Variants in BMPR1B observed in about 807,000 individuals in gnomAD.
BMPR1B encodes the protein bone morphogenetic protein receptor type-1B.
A neutral mutation model predicts 59.1 loss-of-function variants in BMPR1B; 12 were observed. The ratio of observed to expected loss-of-function variants is 0.20; its 90% CI spans 0.13 to 0.33. The LOEUF (loss-of-function observed/expected upper bound fraction) is 0.33, where lower values mean the gene tolerates loss of function less well. BMPR1B is among the 10% of genes least tolerant of loss of function. The probability of loss-of-function intolerance (pLI) is 1.00; values close to 1 mark genes in which losing one functional copy is unlikely to be tolerated. For missense variants in BMPR1B, 550 were observed against 610.9 expected (o/e 0.90, Z 1.05); for synonymous variants, 237 against 207.3 (o/e 1.14, Z -1.23).
chr4:95,118,393 A>G (rs1454258585), intron 6 of BMPR1B, among the ~76,000 whole-genome samples: 1 of 151,972 alleles, frequency 6.6e-6, no homozygotes, highest in African/African-American at 2.4e-5. Flanking sequence ...CTTTCTAGCT[A>G]TATGATTTTT....
chr4:95,125,100 T>G lies in BMPR1B; in HGVS notation c.564T>G (p.Ser188Arg). ...TTGAGCAGTCTCAGAGCTCAGGAAGTGGATCAGGCCTCCCTCTGCTGGTAT... is the reference window on the plus strand; with the variant it reads ...TTGAGCAGTCTCAGAGCTCAGGAAGGGGATCAGGCCTCCCTCTGCTGGTAT... ...DLIEQSQSSG[S>R]GSGLPLLVQR... Residue 188 changes from serine to arginine, a missense_variant, in exon 8 of 13, where the codon AGT (serine) becomes AGG (arginine). Ser to Arg is a moderately radical substitution (Grantham distance 110). This residue lies in a region of BMPR1B where 318 missense variants were observed against 284.6 expected (regional missense o/e 1.12). Coordinates refer to ENST00000515059, the MANE Select transcript of BMPR1B (RefSeq NM_001203.3). The G allele has an allele frequency of 6.2e-7, 1 of 1,613,796 alleles. No individual in the cohort carries two copies. Among genetic ancestry groups the G allele is most frequent in the Non-Finnish European group, 8.5e-7 (1 of 1,179,798 alleles).
chr4:95,029,395 G>A (rs1368141993), intron 3 of BMPR1B, among the ~76,000 whole-genome samples: 1 of 151,084 alleles, frequency 6.6e-6, no homozygotes, highest in Non-Finnish European at 1.5e-5. Flanking sequence ...ATGATTTCCA[G>A]TTTCATCCAT....
At chr4:94,855,963 G>A (rs981614348) in intron 1 of BMPR1B, among the ~76,000 whole-genome samples, 1 of 152,080 alleles carries the variant, frequency 6.6e-6, no homozygotes, top group Non-Finnish European at 1.5e-5. Context: ...ATAAAACTTC[G>A]AATAACTTTG....
chr4:95,134,804 C>T (rs1296791036), intron 10 of BMPR1B, among the ~76,000 whole-genome samples: 5 of 152,160 alleles, frequency 3.3e-5, no homozygotes, highest in Non-Finnish European at 7.3e-5. Flanking sequence ...TTCTCCCATT[C>T]TGTAGATTGC....
rs150426347 is a variant in BMPR1B, at chr4:94,954,302, C to T, written c.-112-41738C>T. Among the ~76,000 whole-genome samples the T allele has an allele frequency of 1.2e-3, 182 of 152,246 alleles. 4 individuals carry two copies. The highest frequency in any genetic ancestry group is 4.3e-3 in the African/African-American group (177 of 41,554). On this transcript the variant is annotated intron_variant, in intron 2 of 12. Transcript: ENST00000515059. ...CTTTTCTCTCCGTCTAACATGTTCTCAACATTTATTTTCTACTCATATACT... is the reference window on the plus strand; with the variant it reads ...CTTTTCTCTCCGTCTAACATGTTCTTAACATTTATTTTCTACTCATATACT...
At chr4:94,787,798 A>G (rs1560484643) in intron 1 of BMPR1B, among the ~76,000 whole-genome samples, 1 of 104,084 alleles carries the variant, frequency 9.6e-6, no homozygotes, top group Non-Finnish European at 2.1e-5. Context: ...CTTTCTTGCA[A>G]TATCAATGTG....
At chr4:94,868,889 A>C (rs1485996569) in intron 1 of BMPR1B, among the ~76,000 whole-genome samples, 1 of 152,098 alleles carries the variant, frequency 6.6e-6, no homozygotes, top group Non-Finnish European at 1.5e-5. Context: ...GTTGTAGCTT[A>C]ATTTCTTCTG....
At chr4:94,930,295 C>T (rs755102397) in intron 2 of BMPR1B, among the ~76,000 whole-genome samples, 3 of 152,080 alleles carry the variant, frequency 2.0e-5, no homozygotes, top group Non-Finnish European at 2.9e-5. Context: ...CTTCTGGTTG[C>T]ATATGTCACC....
chr4:95,117,777 C>A (rs890432102), intron 6 of BMPR1B, among the ~76,000 whole-genome samples: 1 of 152,072 alleles, frequency 6.6e-6, no homozygotes, highest in Non-Finnish European at 1.5e-5. Context: ...CAGAATGAGA[C>A]ACTCTTTCTA....
chr4:94,793,413 A>G (rs1325112010), intron 1 of BMPR1B, among the ~76,000 whole-genome samples: 15 of 151,294 alleles, frequency 9.9e-5, no homozygotes, highest in Non-Finnish European at 1.8e-4. Flanking sequence ...AATCCAGTCT[A>G]TCATTGTTGG....
chr4:94,939,138 A>G (rs1729423223), intron 2 of BMPR1B, among the ~76,000 whole-genome samples: 1 of 152,208 alleles, frequency 6.6e-6, no homozygotes, highest in Non-Finnish European at 1.5e-5. Context: ...GACATCCTAA[A>G]TGGGAATCAC....
chr4:94,917,468 A>G (rs1319626493), intron 2 of BMPR1B, among the ~76,000 whole-genome samples: 1 of 152,182 alleles, frequency 6.6e-6, no homozygotes, highest in African/African-American at 2.4e-5. Context: ...GATGTGAGAA[A>G]TGGAGTCAAA....
At chr4:95,077,503 G>T (rs1312514637) in intron 3 of BMPR1B, among the ~76,000 whole-genome samples, 1 of 152,014 alleles carries the variant, frequency 6.6e-6, no homozygotes, top group Non-Finnish European at 1.5e-5. Flanking sequence ...TTGTTTGTTT[G>T]AGGCATACCA....
chr4:94,906,575 G>T (rs1470866068), intron 2 of BMPR1B, among the ~76,000 whole-genome samples: 1 of 151,964 alleles, frequency 6.6e-6, no homozygotes, highest in Non-Finnish European at 1.5e-5. Flanking sequence ...GTTGACGGGT[G>T]CAGCAAACCA....
At chr4:94,819,748 A>G (rs1724137537) in intron 1 of BMPR1B, among the ~76,000 whole-genome samples, 1 of 152,222 alleles carries the variant, frequency 6.6e-6, no homozygotes, top group Admixed American at 6.5e-5. Flanking sequence ...TTGTGAGAAT[A>G]TGTAAGTATC....
chr4:95,003,505 T>C (rs1432992738), intron 3 of BMPR1B, among the ~76,000 whole-genome samples: 2 of 152,222 alleles, frequency 1.3e-5, no homozygotes, highest in East Asian at 3.8e-4. Flanking sequence ...TAGAAATTAC[T>C]GTAGACAAGA....
chr4:95,104,703 G>A, intron 4 of BMPR1B, 136 bp downstream of exon 4: 1 of 1,134,514 alleles, frequency 8.8e-7, no homozygotes, highest in Non-Finnish European at 1.3e-6. Flanking sequence ...TTAGAGCTGT[G>A]CTTGTATTAG....
chr4:94,801,664 T>C (rs1186283668), intron 1 of BMPR1B, among the ~76,000 whole-genome samples: 1 of 152,220 alleles, frequency 6.6e-6, no homozygotes, highest in African/African-American at 2.4e-5. Context: ...GACATTTAAT[T>C]TGTCCAGGGT....
intron 3 of BMPR1B, among the ~76,000 whole-genome samples, chr4:95,080,148 C>A (rs1560637236): frequency 6.6e-6 from 1 of 152,146 alleles, no homozygotes; most frequent in East Asian, 1.9e-4. Flanking sequence ...TAAAACAAAT[C>A]ATCTCTTATA....
Sources: gnomAD v4.1 joint callset for allele counts (sites outside exome capture counted in the v4.1 genomes callset) on GRCh38, gnomAD v4.1.1 for gene constraint, gnomAD v4.1.1 regional missense constraint, MANE v1.5 for transcripts, NCBI Gene and HGNC (gene_info 2026-07-23, HGNC 2026-07-21) for gene names.